OSBPL1A: variants seen among roughly 807,000 people sequenced by gnomAD.
The protein encoded by OSBPL1A is oxysterol binding protein like 1A, also known as oxysterol-binding protein-related protein 1.
OSBPL1A carries 80 observed loss-of-function variants against 137.1 expected under a neutral mutation model. That is an observed-to-expected ratio of 0.58 (90% CI 0.49 to 0.70). The LOEUF is 0.70. OSBPL1A is among the 30% of genes least tolerant of loss of function. The pLI is 0.00. For missense variants in OSBPL1A, 970 were observed against 1,129.4 expected (o/e 0.86, Z 2.02); for synonymous variants, 365 against 389.7 (o/e 0.94, Z 0.75).
intron 13 of OSBPL1A, among the ~76,000 whole-genome samples, 154 bp downstream of exon 13, chr18:24,311,830 G>T (rs1164093660): frequency 1.3e-5 from 2 of 152,204 alleles, no homozygotes; most frequent in Admixed American, 1.3e-4. Context: ...AGAGACATAA[G>T]CTACCAACAC....
intron 7 of OSBPL1A, among the ~76,000 whole-genome samples, chr18:24,319,912 A>C (rs2090813263): frequency 6.6e-6 from 1 of 151,104 alleles, no homozygotes; most frequent in Non-Finnish European, 1.5e-5. Flanking sequence ...TGGGAGGCTA[A>C]GGCGGAAGGA....
intron 18 of OSBPL1A, among the ~76,000 whole-genome samples, chr18:24,189,743 C>T (rs1319231865): frequency 6.6e-6 from 1 of 152,192 alleles, no homozygotes; most frequent in African/African-American, 2.4e-5. Flanking sequence ...CGATTACACG[C>T]AGATGAGTTA....
chr18:24,209,324 C>T (rs1473835685), intron 17 of OSBPL1A, among the ~76,000 whole-genome samples: 1 of 152,150 alleles, frequency 6.6e-6, no homozygotes, highest in African/African-American at 2.4e-5. Context: ...CAAAAGCATT[C>T]AAAATCAATA....
chr18:24,383,482 G>T (rs1173692943), intron 1 of OSBPL1A, among the ~76,000 whole-genome samples: 1 of 152,232 alleles, frequency 6.6e-6, no homozygotes, highest in Non-Finnish European at 1.5e-5. Flanking sequence ...ATTGGGCCGG[G>T]TGCCTTGGCT....
chr18:24,293,124 A>AG (rs1015067079), intron 14 of OSBPL1A, among the ~76,000 whole-genome samples: 9 of 91,190 alleles, frequency 9.9e-5, no homozygotes, highest in Admixed American at 2.1e-4. Context: ...AAAAAAAAAA[A>AG]AAAAGAAAAG....
intron 15 of OSBPL1A, among the ~76,000 whole-genome samples, chr18:24,260,520 A>G (rs1430481140): frequency 1.3e-5 from 2 of 152,240 alleles, no homozygotes; most frequent in Non-Finnish European, 2.9e-5. Flanking sequence ...CCTCAAAAAC[A>G]TTAGGCTAAG....
chr18:24,211,185 T>C (rs1335625859), intron 17 of OSBPL1A, among the ~76,000 whole-genome samples: 1 of 152,112 alleles, frequency 6.6e-6, no homozygotes, highest in Non-Finnish European at 1.5e-5. Context: ...CAGGCTGGTC[T>C]CGAACTCCTG....
chr18:24,330,560 C>T (rs2091059023), intron 7 of OSBPL1A, among the ~76,000 whole-genome samples: 2 of 151,406 alleles, frequency 1.3e-5, no homozygotes, highest in Admixed American at 6.6e-5. Flanking sequence ...TCTCGGCTCA[C>T]TGCAACCTCT....
At chr18:24,274,478 C>T (rs1180827288) in intron 15 of OSBPL1A, among the ~76,000 whole-genome samples, 8 of 152,152 alleles carry the variant, frequency 5.3e-5, no homozygotes. Context: ...GAGGTGGAGA[C>T]ATCTGAGTCC....
At chr18:24,215,809 A>G (rs1363137139) in intron 17 of OSBPL1A, among the ~76,000 whole-genome samples, 1 of 152,186 alleles carries the variant, frequency 6.6e-6, no homozygotes, top group Admixed American at 6.5e-5. Flanking sequence ...AAAGGCTGTT[A>G]CTGTGAAAGA....
At chr18:24,298,960 T>C (rs2090347613) in intron 14 of OSBPL1A, among the ~76,000 whole-genome samples, 3 of 152,244 alleles carry the variant, frequency 2.0e-5, no homozygotes, top group Admixed American at 2.0e-4. Context: ...TCTTCTTGGA[T>C]TGATCCTTTT....
At chr18:24,324,713 G>C in intron 7 of OSBPL1A, among the ~76,000 whole-genome samples, 1 of 149,018 alleles carries the variant, frequency 6.7e-6, no homozygotes. Context: ...GAATCTTAGA[G>C]GTAGAGGTTG....
intron 17 of OSBPL1A, among the ~76,000 whole-genome samples, chr18:24,215,618 C>T (rs927126173): frequency 6.6e-6 from 1 of 152,204 alleles, no homozygotes; most frequent in East Asian, 1.9e-4. Context: ...CAAAGAACTC[C>T]GTGTCCCCTG....
At chr18:24,304,757 T>A (rs2090470094) in intron 13 of OSBPL1A, among the ~76,000 whole-genome samples, 1 of 152,180 alleles carries the variant, frequency 6.6e-6, no homozygotes, top group Non-Finnish European at 1.5e-5. Flanking sequence ...CCTTATAAAT[T>A]TTTTAGTGCT....
chr18:24,190,170 A>G (rs376625905), intron 18 of OSBPL1A, among the ~76,000 whole-genome samples: 10 of 152,184 alleles, frequency 6.6e-5, no homozygotes, highest in South Asian at 4.2e-4. Flanking sequence ...TGGAGAAACA[A>G]TGGAAGCATG....
intron 6 of OSBPL1A, among the ~76,000 whole-genome samples, 184 bp from the exon 7 acceptor site, chr18:24,333,270 C>G (rs2091116585): frequency 6.6e-6 from 1 of 152,120 alleles, no homozygotes; most frequent in Admixed American, 6.5e-5. Context: ...TCTCAGATGC[C>G]CTGAGATAGA....
chr18:24,233,085 T>C (rs946699832), intron 16 of OSBPL1A, among the ~76,000 whole-genome samples: 2 of 152,206 alleles, frequency 1.3e-5, no homozygotes, highest in African/African-American at 2.4e-5. Context: ...AGAAAAGTAA[T>C]GCGTTCTGAA....
At chr18:24,280,581 A>T (rs1371706269) in intron 15 of OSBPL1A, among the ~76,000 whole-genome samples, 1 of 152,218 alleles carries the variant, frequency 6.6e-6, no homozygotes, top group Non-Finnish European at 1.5e-5. Context: ...TTGAAGTGTC[A>T]TAACAATCCT....
rs1393692160 is a variant in OSBPL1A, at chr18:24,332,937, CT to C, written c.625+4del. 16 of 1,613,240 alleles carry C rather than the reference CT, an allele frequency of 9.9e-6. No homozygotes were observed. Among genetic ancestry groups the C allele is most frequent in the South Asian group, 3.3e-5 (3 of 90,936 alleles). ...GCCAACGATGGTTTTCACCAATATG[CT>C]TACCATTTTTGTTCTTCAGATTAGG... is the stretch of plus-strand genomic sequence containing the variant. On this transcript the variant is annotated splice_donor_region_variant and intron_variant, in intron 7 of 27. Transcript: ENST00000319481.
Sources: gnomAD v4.1 joint callset for allele counts (sites outside exome capture counted in the v4.1 genomes callset) on GRCh38, gnomAD v4.1.1 for gene constraint, MANE v1.5 for transcripts, NCBI Gene and HGNC (gene_info 2026-07-23, HGNC 2026-07-21) for gene names.